Variants in ADAMTS2 observed in about 807,000 individuals in gnomAD.
The protein encoded by ADAMTS2 is ADAM metallopeptidase with thrombospondin type 1 motif 2, also known as A disintegrin and metalloproteinase with thrombospondin motifs 2.
In ADAMTS2, 50 loss-of-function variants were observed where a neutral mutation model predicts 123.0. The observed-to-expected ratio is 0.41, with a 90% CI of 0.32 to 0.51. The LOEUF (loss-of-function observed/expected upper bound fraction) is 0.51, where lower values mean the gene tolerates loss of function less well. Ranked by LOEUF, ADAMTS2 falls within the 20% of genes least tolerant of loss-of-function variation. The pLI is 0.35. For synonymous variants in ADAMTS2, 678 were observed against 695.4 expected, an observed-to-expected ratio of 0.98 and a Z score of 0.39; for missense variants, 1,494 against 1,705.2, an observed-to-expected ratio of 0.88 and a Z score of 2.18.
Position 179,233,951 on chromosome 5 carries a change from G to T in ADAMTS2, c.689-26236C>A, listed in dbSNP as rs1244557076. On this transcript the variant is annotated intron_variant, in intron 3 of 21. Transcript: ENST00000251582. ...AACATCCTCTCCCTCACAGAGTGTG[G>T]GATTTGAGCCGCAGGAGCCAGAAGA... Among the ~76,000 whole-genome samples the T allele has an allele frequency of 2.0e-5, 3 of 152,106 alleles. No homozygotes were observed. The East Asian group carries it at 5.8e-4, about 29-fold the overall frequency.
chr5:179,217,752 A>C (rs1170060486), intron 3 of ADAMTS2, among the ~76,000 whole-genome samples: 3 of 143,038 alleles, frequency 2.1e-5, no homozygotes, highest in African/African-American at 8.7e-5. Context: ...TTGCTAGGGG[A>C]TGGTGTGAGG....
chr5:179,278,914 A>G (rs1199056769), intron 2 of ADAMTS2, among the ~76,000 whole-genome samples: 2 of 151,280 alleles, frequency 1.3e-5, no homozygotes, highest in African/African-American at 4.9e-5. Context: ...AATGGCAACT[A>G]GATGTTAAAA....
intron 3 of ADAMTS2, among the ~76,000 whole-genome samples, chr5:179,265,699 CCCACCCCTTCCGCGTGG>C (rs1176458939): frequency 6.6e-6 from 1 of 152,242 alleles, no homozygotes; most frequent in African/African-American, 2.4e-5. Flanking sequence ...CCGGCCCCCG[CCCACCCCTTCCGCGTGG>C]GCCACATCAC....
intron 3 of ADAMTS2, among the ~76,000 whole-genome samples, chr5:179,208,331 T>C (rs974166019): frequency 6.6e-6 from 1 of 152,166 alleles, no homozygotes; most frequent in Admixed American, 6.5e-5. Context: ...AACTTTCTGC[T>C]AAGTCCTCCA....
chr5:179,168,584 C>T (rs771348116), intron 5 of ADAMTS2, among the ~76,000 whole-genome samples: 15 of 152,338 alleles, frequency 9.8e-5, no homozygotes, highest in South Asian at 4.1e-4. Flanking sequence ...GTCACTTGCA[C>T]GAACGCCTTT....
At chr5:179,156,661 C>G (rs1004584285) in intron 6 of ADAMTS2, among the ~76,000 whole-genome samples, 1 of 151,984 alleles carries the variant, frequency 6.6e-6, no homozygotes, top group Non-Finnish European at 1.5e-5. Context: ...CCCCGTCTAC[C>G]TTTCGAATTT....
At chr5:179,215,224 G>A (rs59887135) in intron 3 of ADAMTS2, among the ~76,000 whole-genome samples, 37,198 of 152,148 alleles carry the variant, frequency 0.24, 4,619 homozygotes, top group Admixed American at 0.27. Context: ...CGAGGCGGGT[G>A]GATCACCTGA....
intron 2 of ADAMTS2, among the ~76,000 whole-genome samples, chr5:179,277,799 G>A (rs1766763596): frequency 3.6e-5 from 1 of 27,944 alleles, no homozygotes. Context: ...CCCCCCGCGA[G>A]ACCAAAGGCT....
chr5:179,141,457 G>A (rs1763168767), intron 10 of ADAMTS2, among the ~76,000 whole-genome samples: 1 of 152,154 alleles, frequency 6.6e-6, no homozygotes, highest in Admixed American at 6.5e-5. Flanking sequence ...GTGTAAGGAG[G>A]TTGGTGAACC....
intron 3 of ADAMTS2, among the ~76,000 whole-genome samples, chr5:179,232,842 GT>G (rs1765439851): frequency 1.3e-5 from 2 of 151,294 alleles, no homozygotes; most frequent in South Asian, 4.2e-4. Context: ...TTCTTCTTCT[GT>G]TTCTTTGGTT....
chr5:179,227,318 G>C (rs1463476854), intron 3 of ADAMTS2, among the ~76,000 whole-genome samples: 1 of 152,192 alleles, frequency 6.6e-6, no homozygotes, highest in Non-Finnish European at 1.5e-5. Context: ...ATGCAGGAGA[G>C]GCCAGGACTC....
Position 179,185,972 on chromosome 5 carries a change from G to A in ADAMTS2, c.892-4817C>T, listed in dbSNP as rs537012863. Among the ~76,000 whole-genome samples, 2 of 152,162 alleles carry A rather than the reference G, an allele frequency of 1.3e-5. No individual in the cohort carries two copies. The highest frequency in any genetic ancestry group is 2.9e-5 in the Non-Finnish European group (2 of 67,982). Reference sequence around the variant, plus strand: ...CCCCCTCAGCCCTCCCTCCCTGGTAGCCTTCAACTGTGGTGCGCTCTCCCT... The same window carrying A: ...CCCCCTCAGCCCTCCCTCCCTGGTAACCTTCAACTGTGGTGCGCTCTCCCT... On this transcript the variant is annotated intron_variant, in intron 4 of 21. Transcript: ENST00000251582. This position sits in a 1 kb window ranked among gnomAD's most constrained non-coding sequence, Gnocchi z 5.9.
chr5:179,116,154 T>C (rs1004954053), intron 21 of ADAMTS2, among the ~76,000 whole-genome samples: 3 of 152,102 alleles, frequency 2.0e-5, no homozygotes, highest in Admixed American at 1.3e-4. Flanking sequence ...CTGAGCTGCC[T>C]CTTGGCTGCA....
At chr5:179,236,865 C>T (rs1164840086) in intron 3 of ADAMTS2, among the ~76,000 whole-genome samples, 1 of 152,158 alleles carries the variant, frequency 6.6e-6, no homozygotes, top group Non-Finnish European at 1.5e-5. Flanking sequence ...ATGTTGAAAC[C>T]TAATCCCCAG....
intron 2 of ADAMTS2, among the ~76,000 whole-genome samples, chr5:179,297,158 G>A (rs902706356): frequency 4.6e-5 from 7 of 152,244 alleles, no homozygotes; most frequent in African/African-American, 1.4e-4. Context: ...AAATGCGAAC[G>A]GCCACTCCCA....
At chr5:179,247,959 A>AC (rs2113463741) in intron 3 of ADAMTS2, among the ~76,000 whole-genome samples, 1 of 152,186 alleles carries the variant, frequency 6.6e-6, no homozygotes, top group African/African-American at 2.4e-5. Context: ...AATAAAGGGA[A>AC]CCCCAAAATC....
chr5:179,261,180 G>A (rs1766212875), intron 3 of ADAMTS2, among the ~76,000 whole-genome samples: 1 of 152,210 alleles, frequency 6.6e-6, no homozygotes, highest in African/African-American at 2.4e-5. Context: ...AAGACCCCAG[G>A]AGATAAACAG....
chr5:179,176,884 C>T (rs1763943158), intron 5 of ADAMTS2, among the ~76,000 whole-genome samples: 1 of 152,246 alleles, frequency 6.6e-6, no homozygotes, highest in South Asian at 2.1e-4. Flanking sequence ...GTTCAGCTGC[C>T]CTCCCTCCCC....
At chr5:179,318,547 G>A (rs937138670) in intron 2 of ADAMTS2, among the ~76,000 whole-genome samples, 10 of 152,204 alleles carry the variant, frequency 6.6e-5, no homozygotes, top group Non-Finnish European at 7.3e-5. Flanking sequence ...CCAAGCACAC[G>A]CAGAGGGTGC....
Sources: gnomAD v4.1 joint callset for allele counts (sites outside exome capture counted in the v4.1 genomes callset) on GRCh38, gnomAD v4.1.1 for gene constraint, Gnocchi (gnomAD v3.1) non-coding constraint, MANE v1.5 for transcripts, NCBI Gene and HGNC (gene_info 2026-07-23, HGNC 2026-07-21) for gene names.